The following PRR16 variants were observed in gnomAD, a reference collection of about 807,000 sequenced individuals.
PRR16 encodes the protein proline rich 16.
Under a neutral mutation model 18.2 loss-of-function variants are expected in PRR16, and 6 were observed. That is an observed-to-expected ratio of 0.33 (90% CI 0.18 to 0.65). The LOEUF is 0.65. Ranked by LOEUF, PRR16 falls within the 30% of genes least tolerant of loss-of-function variation. The pLI is 0.74. For synonymous variants in PRR16, 151 were observed against 147.8 expected (o/e 1.02, Z -0.16); for missense variants, 412 against 376.6 (o/e 1.09, Z -0.78).
intron 1 of PRR16, among the ~76,000 whole-genome samples, chr5:120,626,487 C>G (rs2112830916): frequency 6.6e-6 from 1 of 152,240 alleles, no homozygotes; most frequent in East Asian, 1.9e-4. Context: ...CATGAGGGAT[C>G]TTTTGCAGGC....
At chr5:120,640,714 C>T (rs909397123) in intron 1 of PRR16, among the ~76,000 whole-genome samples, 3 of 152,058 alleles carry the variant, frequency 2.0e-5, no homozygotes, top group Admixed American at 2.0e-4. Flanking sequence ...TAAAAAGTAG[C>T]TCAATGGTAC....
rs558273729 is a variant in PRR16 at position 120,505,008 on chromosome 5, T to C, written c.159+40363T>C. 9.2e-5 allele frequency among the ~76,000 whole-genome samples: 14 copies of C among 152,292 alleles called. 1 individual carries two copies. The South Asian group carries it at 2.9e-3, about 32-fold the overall frequency. ...AGCACCTCTCAGGTTCTTCAGGCTG[T>C]TATTTGTTCCTGGACATTTGGAATA... is the stretch of plus-strand genomic sequence containing the variant. On this transcript the variant is annotated intron_variant, in intron 1 of 1. Transcript: ENST00000407149.
rs111752147 is a variant in PRR16 at position 120,674,628 on chromosome 5, A to G, written c.160-11326A>G. On this transcript the variant is annotated intron_variant, in intron 1 of 1. Coordinates refer to ENST00000407149, the MANE Select transcript of PRR16 (RefSeq NM_001300783.2). ...TTATTTTTCATTCATTCTCATCAGCACTCAGTTGGCCCTTTACATTTGAAG... is the reference window on the plus strand; with the variant it reads ...TTATTTTTCATTCATTCTCATCAGCGCTCAGTTGGCCCTTTACATTTGAAG... Among the ~76,000 whole-genome samples the G allele has an allele frequency of 4.7e-3, 715 of 151,922 alleles. 1 individual carries two copies. Among genetic ancestry groups the G allele is most frequent in the African/African-American group, 0.017 (690 of 41,454 alleles).
intron 1 of PRR16, among the ~76,000 whole-genome samples, chr5:120,672,035 C>T (rs186092042): frequency 1.3e-3 from 204 of 152,272 alleles, no homozygotes; most frequent in Non-Finnish European, 2.0e-3. Flanking sequence ...CCCAGGATTT[C>T]CTGCCCTTTG....
chr5:120,732,372 G>A, the PRR16 span, among the ~76,000 whole-genome samples: 10 of 152,094 alleles, frequency 6.6e-5, no homozygotes, highest in Non-Finnish European at 1.0e-4. Flanking sequence ...GAGGGAGTGG[G>A]TATGGATGCT....
intron 1 of PRR16, among the ~76,000 whole-genome samples, chr5:120,579,951 C>A (rs1200652886): frequency 6.6e-6 from 1 of 152,036 alleles, no homozygotes; most frequent in African/African-American, 2.4e-5. Context: ...CCTTCACTTC[C>A]CTTGTTAGGT....
At chr5:120,492,623 G>A (rs1750098299) in intron 1 of PRR16, among the ~76,000 whole-genome samples, 1 of 152,026 alleles carries the variant, frequency 6.6e-6, no homozygotes, top group Non-Finnish European at 1.5e-5. Context: ...TTACATGGAT[G>A]AGTTGTTTCA....
In PRR16 at chr5:120,542,346, G is replaced by A. The variant is rs191221421; in HGVS notation, c.159+77701G>A. 1.6e-4 allele frequency among the ~76,000 whole-genome samples: 25 copies of A among 151,954 alleles called. No homozygotes were observed. In the East Asian group the frequency reaches 4.6e-3, roughly 28 times the overall value. On this transcript the variant is annotated intron_variant, in intron 1 of 1. Coordinates refer to ENST00000407149, the MANE Select transcript of PRR16 (RefSeq NM_001300783.2). ...TATTTTTAAATATTCCTTCTATTTT[G>A]GAATGATTTTAGATTTATAAAAAAG...
the PRR16 span, among the ~76,000 whole-genome samples, chr5:120,770,313 C>T: frequency 1.3e-5 from 2 of 151,978 alleles, no homozygotes; most frequent in East Asian, 3.9e-4. Flanking sequence ...TCAGTTGAAT[C>T]CATGATGGAG....
At chr5:120,621,787 T>A (rs1475696849) in intron 1 of PRR16, among the ~76,000 whole-genome samples, 1 of 152,154 alleles carries the variant, frequency 6.6e-6, no homozygotes, top group East Asian at 1.9e-4. Context: ...TCACCATGAT[T>A]GTAAGTTTCC....
At chr5:120,588,100 A>C (rs943489542) in intron 1 of PRR16, among the ~76,000 whole-genome samples, 2 of 152,236 alleles carry the variant, frequency 1.3e-5, no homozygotes, top group Admixed American at 6.5e-5. Flanking sequence ...GCCTGAAGAT[A>C]TAACTGAATT....
the PRR16 span, among the ~76,000 whole-genome samples, chr5:120,770,740 T>C: frequency 1.3e-5 from 2 of 151,926 alleles, no homozygotes; most frequent in African/African-American, 2.4e-5. Context: ...ATAACCCAAT[T>C]TTCATAACTT....
chr5:120,768,753 T>C, the PRR16 span, among the ~76,000 whole-genome samples: 6 of 151,758 alleles, frequency 4.0e-5, no homozygotes, highest in Non-Finnish European at 8.9e-5. Flanking sequence ...AAGGAGCACA[T>C]ATCTGGCAAA....
the PRR16 span, among the ~76,000 whole-genome samples, chr5:120,772,427 AT>A: frequency 6.6e-6 from 1 of 152,108 alleles, no homozygotes; most frequent in Non-Finnish European, 1.5e-5. Flanking sequence ...AGAATGCATA[AT>A]TCAATAATGG....
In PRR16 at chr5:120,622,073, CTA is replaced by C. The variant is rs1754707511; in HGVS notation, c.160-63879_160-63878del. On this transcript the variant is annotated intron_variant, in intron 1 of 1. Transcript: ENST00000407149. ...ACACACTTAGTCTCTTGGTGCAATTCTATGTCTGACAATACTACCTGTAGTTT... is the reference window on the plus strand; with the variant it reads ...ACACACTTAGTCTCTTGGTGCAATTCTGTCTGACAATACTACCTGTAGTTT... Among the ~76,000 whole-genome samples, 3 of 152,146 alleles carry C rather than the reference CTA, an allele frequency of 2.0e-5. No homozygotes were observed. The South Asian group carries it at 6.2e-4, about 32-fold the overall frequency.
chr5:120,719,811 A>G, the PRR16 span, among the ~76,000 whole-genome samples: 1 of 152,074 alleles, frequency 6.6e-6, no homozygotes, highest in Admixed American at 6.6e-5. Flanking sequence ...TTGTTTTTAA[A>G]AAATTATTTT....
intron 1 of PRR16, among the ~76,000 whole-genome samples, chr5:120,527,935 T>C (rs1751423266): frequency 6.6e-6 from 1 of 152,198 alleles, no homozygotes; most frequent in Admixed American, 6.5e-5. Flanking sequence ...GTAAAAACAA[T>C]ATGAAGAGGT....
intron 1 of PRR16, among the ~76,000 whole-genome samples, chr5:120,490,381 T>C (rs1233666847): frequency 6.6e-6 from 1 of 152,198 alleles, no homozygotes; most frequent in Non-Finnish European, 1.5e-5. Context: ...AAAGTTCTCT[T>C]CTCGCTTCAT....
At chr5:120,487,404 A>T (rs1218594544) in intron 1 of PRR16, among the ~76,000 whole-genome samples, 4 of 152,056 alleles carry the variant, frequency 2.6e-5, no homozygotes, top group Admixed American at 2.6e-4. Flanking sequence ...ATTCTCTTTG[A>T]AGCAATTGTG....
Sources: gnomAD v4.1 joint callset for allele counts (sites outside exome capture counted in the v4.1 genomes callset) on GRCh38, gnomAD v4.1.1 for gene constraint, MANE v1.5 for transcripts, NCBI Gene and HGNC (gene_info 2026-07-23, HGNC 2026-07-21) for gene names.